Variants in NECAB2 observed in about 807,000 individuals in gnomAD.
NECAB2 encodes N-terminal EF-hand calcium-binding protein 2.
A neutral mutation model predicts 51.9 loss-of-function variants in NECAB2; 68 were observed. The ratio of observed to expected loss-of-function variants is 1.31; its 90% CI spans 1.08 to 1.60. The LOEUF is 1.60. Among genes scored for constraint, NECAB2 ranks in the 40% most tolerant of loss-of-function variants. The probability of loss-of-function intolerance (pLI) is 0.00; values close to 1 mark genes in which losing one functional copy is unlikely to be tolerated. For synonymous variants in NECAB2, 329 were observed against 203.5 expected (o/e 1.62, Z -5.25); for missense variants, 854 against 490.3 (o/e 1.74, Z -7.00).
At chr16:83,981,933 G>A (rs755976376) in intron 5 of NECAB2, among the ~76,000 whole-genome samples, 12 of 151,752 alleles carry the variant, frequency 7.9e-5, no homozygotes, top group African/African-American at 1.4e-4. Context: ...GGTTGAGGCC[G>A]GGGAACTTAG....
At chr16:84,001,105 C>T (rs943126411) in intron 11 of NECAB2, among the ~76,000 whole-genome samples, 2 of 152,106 alleles carry the variant, frequency 1.3e-5, no homozygotes, top group Non-Finnish European at 2.9e-5. Flanking sequence ...GCCTTCTTTA[C>T]CACCCTGTAG....
chr16:83,986,921 C>T (rs2084564113), intron 5 of NECAB2, among the ~76,000 whole-genome samples: 1 of 152,064 alleles, frequency 6.6e-6, no homozygotes. Context: ...TGAAACATTA[C>T]CTCGTAGGTA....
chr16:83,981,403 C>A (rs763441983), intron 5 of NECAB2, among the ~76,000 whole-genome samples: 1 of 147,346 alleles, frequency 6.8e-6, no homozygotes, highest in Non-Finnish European at 1.5e-5. Context: ...TCACCCTGTG[C>A]CCTTAAGGGG....
intron 10 of NECAB2, among the ~76,000 whole-genome samples, chr16:83,999,634 C>G (rs1250104712): frequency 2.0e-5 from 3 of 152,122 alleles, no homozygotes; most frequent in Non-Finnish European, 4.4e-5. Context: ...TTGTAGTGCA[C>G]TTGCAGAGAG....
intron 3 of NECAB2, among the ~76,000 whole-genome samples, chr16:83,980,076 C>T (rs1429720155): frequency 6.6e-6 from 1 of 152,216 alleles, no homozygotes; most frequent in Non-Finnish European, 1.5e-5. Context: ...TCCAGATGTG[C>T]TTTGCTGAGC....
upstream of NECAB2, chr16:83,966,003 C>T: frequency 6.4e-7 from 1 of 1,559,156 alleles, no homozygotes; most frequent in Non-Finnish European, 8.7e-7. Flanking sequence ...AGGAAGCCAC[C>T]CTAACACTCG....
intron 5 of NECAB2, among the ~76,000 whole-genome samples, chr16:83,984,471 C>T (rs1294325628): frequency 2.0e-5 from 3 of 152,122 alleles, no homozygotes; most frequent in Middle Eastern, 6.8e-3. Flanking sequence ...GCCTGTAATT[C>T]CAGCACTTTG....
intron 5 of NECAB2, among the ~76,000 whole-genome samples, chr16:83,986,586 C>G (rs2084559345): frequency 6.6e-6 from 1 of 152,126 alleles, no homozygotes; most frequent in Admixed American, 6.5e-5. Flanking sequence ...AGTCATTACT[C>G]ATTGCAGCCT....
intron 2 of NECAB2, 57 bp from the exon 3 acceptor site, chr16:83,978,387 C>A: frequency 6.9e-7 from 1 of 1,457,358 alleles, no homozygotes; most frequent in Admixed American, 1.7e-5. Context: ...CATGCACTAG[C>A]CCCACCAGCC....
rs540968070 is a variant in NECAB2, at chr16:83,981,151, G to A, written c.459+24G>A. 2.3e-5 allele frequency: 36 copies of A among 1,575,176 alleles called. No individual in the cohort carries two copies. The Middle Eastern group carries it at 6.7e-4, about 29-fold the overall frequency. ...AGGTCAGTGGGTGTAGGTGGCCCCCGGGGTCCAGGGCTCCAGTGCTGCTTC... is the reference window on the plus strand; with the variant it reads ...AGGTCAGTGGGTGTAGGTGGCCCCCAGGGTCCAGGGCTCCAGTGCTGCTTC... On this transcript the variant is annotated intron_variant, in intron 5 of 12. Coordinates refer to ENST00000305202, the MANE Select transcript of NECAB2 (RefSeq NM_019065.3).
At chr16:83,996,487 G>A (rs1445431108) in intron 8 of NECAB2, among the ~76,000 whole-genome samples, 1 of 152,180 alleles carries the variant, frequency 6.6e-6, no homozygotes, top group Non-Finnish European at 1.5e-5. Flanking sequence ...TGGCTGCCCT[G>A]TGTGACTCCC....
chr16:83,984,016 G>C (rs1341597115), intron 5 of NECAB2, among the ~76,000 whole-genome samples: 2 of 43,956 alleles, frequency 4.6e-5, no homozygotes, highest in African/African-American at 1.5e-4. Context: ...TTTTTTTTTT[G>C]ACGGAGTCTC....
In NECAB2 at chr16:83,994,653, C is replaced by G; in HGVS notation, c.760C>G (p.Arg254Gly). ...AGAGGGTCTGGAAGCCCAGATCAGC[C>G]GCTTGGCAGAGCTGATTGGGAGGCT... ...KEEGLEAQIS[R>G]LAELIGRLES... The change falls in exon 8 of 13, where the codon CGC (arginine) becomes GGC (glycine). Residue 254 changes from arginine (R) to glycine (G), a missense_variant. Coordinates refer to ENST00000305202, the MANE Select transcript of NECAB2 (RefSeq NM_019065.3). 2 of 1,614,136 alleles carry G rather than the reference C, an allele frequency of 1.2e-6. No homozygotes were observed. Among genetic ancestry groups the G allele is most frequent in the South Asian group, 1.1e-5 (1 of 91,084 alleles).
At chr16:83,992,371 C>T (rs2084636480) in intron 6 of NECAB2, among the ~76,000 whole-genome samples, 5 of 123,556 alleles carry the variant, frequency 4.0e-5, no homozygotes, top group Admixed American at 3.5e-4. Context: ...GGAACACGAG[C>T]ACCCGTCCCC....
chr16:83,967,033 A>C (rs2084288755), upstream of NECAB2, among the ~76,000 whole-genome samples: 1 of 152,048 alleles, frequency 6.6e-6, no homozygotes. Context: ...CACCTCGCCC[A>C]GCTAGTTATT....
At chr16:83,982,841 A>G (rs529757300) in intron 5 of NECAB2, among the ~76,000 whole-genome samples, 1 of 149,998 alleles carries the variant, frequency 6.7e-6, no homozygotes, top group Non-Finnish European at 1.5e-5. Flanking sequence ...CGTGATTGGC[A>G]TTTCCTTTTT....
rs1356651864 is a variant in NECAB2, at chr16:83,968,784, GC to G, written c.141del (p.Ala48ProfsTer93). 1 of 1,111,538 alleles carries G rather than the reference GC, an allele frequency of 9.0e-7. No individual in the cohort carries two copies. Among genetic ancestry groups the G allele is most frequent in the Non-Finnish European group, 1.1e-6 (1 of 912,606 alleles). 68.9% of individuals were successfully genotyped at this position (1,111,538 alleles called of 1,614,324 possible). A position where few individuals can be genotyped will look rare whatever the true frequency, so the allele number is the denominator to read the frequency against. On this transcript the variant is annotated frameshift_variant, in exon 1 of 13. Transcript: ENST00000305202. LOFTEE classifies it high-confidence loss of function. The stretch of plus-strand genomic sequence containing the variant: ...GATGGGCGAGCCCCGGGAGTCGCTG[GC>G]CCCCGCCGCCCCCGCGGACCCCGGC... ...ARMGEPRESL[A>X]PAAPADPGPA...
In NECAB2 at chr16:83,970,962, C is replaced by T. The variant is rs774592866; in HGVS notation, c.202-1189C>T. Among the ~76,000 whole-genome samples, 84 of 152,196 alleles carry T rather than the reference C, an allele frequency of 5.5e-4. No individual in the cohort carries two copies. In the Middle Eastern group the frequency reaches 0.01, roughly 18 times the overall value. ...TACAAAAATTAGCCAGTTGTGATGG[C>T]GGGCGTCTGTAGTCCCAGCTACTCG... On this transcript the variant is annotated intron_variant, in intron 1 of 12. Coordinates refer to ENST00000305202, the MANE Select transcript of NECAB2 (RefSeq NM_019065.3).
intron 8 of NECAB2, 105 bp downstream of exon 8, chr16:83,994,793 G>C (rs868762091): frequency 7.6e-7 from 1 of 1,315,652 alleles, no homozygotes; most frequent in Non-Finnish European, 1.1e-6. Context: ...AGGGGCCAGG[G>C]AACCATGAAA....
Sources: gnomAD v4.1 joint callset for allele counts (sites outside exome capture counted in the v4.1 genomes callset) on GRCh38, gnomAD v4.1.1 for gene constraint, MANE v1.5 for transcripts, NCBI Gene and HGNC (gene_info 2026-07-23, HGNC 2026-07-21) for gene names.